The following OPCML variants were observed in gnomAD, a reference collection of about 807,000 sequenced individuals.
OPCML encodes the protein opioid binding protein/cell adhesion molecule like, also known as opioid-binding protein/cell adhesion molecule.
A neutral mutation model predicts 37.8 loss-of-function variants in OPCML; 13 were observed. The ratio of observed to expected loss-of-function variants is 0.34; its 90% CI spans 0.22 to 0.55. The LOEUF (loss-of-function observed/expected upper bound fraction) is 0.55. OPCML is among the 20% of genes least tolerant of loss of function. OPCML has a pLI of 0.91. For missense variants in OPCML, 341 were observed against 435.6 expected, an observed-to-expected ratio of 0.78 and a Z score of 1.93; for synonymous variants, 176 against 168.8, an observed-to-expected ratio of 1.04 and a Z score of -0.33.
intron 3 of OPCML, among the ~76,000 whole-genome samples, chr11:132,541,840 C>T (rs942939995): frequency 6.6e-6 from 1 of 152,192 alleles, no homozygotes; most frequent in Admixed American, 6.5e-5. Context: ...CATCTCTCCA[C>T]TCTTGCTGGC....
rs775107987 is a variant in OPCML at position 132,551,394 on chromosome 11, TG to T, written c.380-22209del. ...CTTGGGGAGGGGCTTAGTTTATAGT[TG>T]AAAACAAAGATGATAACAGGCCTTT... On this transcript the variant is annotated intron_variant, in intron 3 of 7. Transcript: ENST00000524381. Among the ~76,000 whole-genome samples the T allele has an allele frequency of 4.5e-4, 69 of 152,254 alleles. 1 individual carries two copies. The highest frequency in any genetic ancestry group is 9.3e-4 in the Non-Finnish European group (63 of 68,012).
chr11:132,936,812 G>A (rs1031689353), intron 2 of OPCML, among the ~76,000 whole-genome samples: 6 of 152,098 alleles, frequency 3.9e-5, no homozygotes, highest in Non-Finnish European at 7.4e-5. Context: ...GATGAAAAGA[G>A]TGCACCCCTC....
At chr11:133,309,909 G>T (rs1263885018) in intron 1 of OPCML, among the ~76,000 whole-genome samples, 1 of 152,190 alleles carries the variant, frequency 6.6e-6, no homozygotes, top group South Asian at 2.1e-4. Context: ...AGGGCAATGA[G>T]GACTTCATTC....
At chr11:132,668,393 C>T (rs1942313239) in intron 2 of OPCML, among the ~76,000 whole-genome samples, 1 of 152,196 alleles carries the variant, frequency 6.6e-6, no homozygotes, top group Non-Finnish European at 1.5e-5. Flanking sequence ...CACTTACTAA[C>T]ACAGAGCACT....
intron 2 of OPCML, among the ~76,000 whole-genome samples, chr11:132,843,547 C>T (rs1008177852): frequency 6.6e-6 from 1 of 151,228 alleles, no homozygotes; most frequent in Non-Finnish European, 1.5e-5. Context: ...ATTTTAGACG[C>T]ATGTGTGTAT....
intron 3 of OPCML, 34 bp downstream of exon 3, chr11:132,657,053 G>A (rs550214129): frequency 3.8e-5 from 61 of 1,605,038 alleles, no homozygotes; most frequent in South Asian, 3.1e-4. Context: ...CATCACTGAC[G>A]GGAATGGCAA....
chr11:132,939,194 T>A (rs931272196), intron 2 of OPCML, among the ~76,000 whole-genome samples: 2 of 152,124 alleles, frequency 1.3e-5, no homozygotes, highest in Non-Finnish European at 2.9e-5. Flanking sequence ...TTAATTTACA[T>A]AAGAAGGAGC....
intron 2 of OPCML, among the ~76,000 whole-genome samples, chr11:132,921,656 C>T (rs1355137827): frequency 6.6e-6 from 1 of 152,226 alleles, no homozygotes; most frequent in Admixed American, 6.5e-5. Context: ...CCACAGGGAA[C>T]CCTGCTCAGA....
intron 4 of OPCML, among the ~76,000 whole-genome samples, chr11:132,470,653 C>T (rs1006889425): frequency 1.3e-5 from 2 of 151,978 alleles, no homozygotes; most frequent in African/African-American, 4.8e-5. Context: ...TGTTGAGTAC[C>T]CCTTAAGTGT....
In OPCML at chr11:132,559,693, C is replaced by T. The variant is rs548548203; in HGVS notation, c.380-30507G>A. Among the ~76,000 whole-genome samples the T allele has an allele frequency of 9.2e-5, 14 of 152,182 alleles. No individual in the cohort carries two copies. In the South Asian group the frequency reaches 2.1e-3, roughly 23 times the overall value. ...GGAAACTTCACCCCATGTGTCAACTCGTAAAGAGAGAAGAGATTATTTCAA... is the reference window on the plus strand; with the variant it reads ...GGAAACTTCACCCCATGTGTCAACTTGTAAAGAGAGAAGAGATTATTTCAA... On this transcript the variant is annotated intron_variant, in intron 3 of 7. Coordinates refer to ENST00000524381, the MANE Select transcript of OPCML (RefSeq NM_001012393.5).
rs186136605 is a variant in OPCML, at chr11:132,818,400, T to C, written c.146+124526A>G. Among the ~76,000 whole-genome samples the C allele has an allele frequency of 3.3e-5, 5 of 152,022 alleles. No homozygotes were observed. The East Asian group carries it at 9.7e-4, about 29-fold the overall frequency. ...ACGTGGGTGGACTTCCTGTAATCAG[T>C]TGAACCCCTGAATAAAACAAAAGAC... On this transcript the variant is annotated intron_variant, in intron 2 of 7. Coordinates refer to ENST00000524381, the MANE Select transcript of OPCML (RefSeq NM_001012393.5).
intron 1 of OPCML, among the ~76,000 whole-genome samples, chr11:133,440,969 G>T (rs1353949273): frequency 6.6e-6 from 1 of 151,026 alleles, no homozygotes; most frequent in Non-Finnish European, 1.5e-5. Context: ...AAAGAAACAG[G>T]AAATTGTCAT....
intron 1 of OPCML, among the ~76,000 whole-genome samples, chr11:133,242,477 A>G (rs1221770399): frequency 6.6e-6 from 1 of 152,092 alleles, no homozygotes; most frequent in African/African-American, 2.4e-5. Context: ...ATCCATGGGG[A>G]CAGGTTCTCC....
At chr11:132,818,361 G>A (rs1022688525) in intron 2 of OPCML, among the ~76,000 whole-genome samples, 10 of 151,688 alleles carry the variant, frequency 6.6e-5, no homozygotes, top group African/African-American at 2.2e-4. Flanking sequence ...GAGCAAAGTC[G>A]ACTGCCCTCC....
chr11:132,618,087 T>C (rs1041142071), intron 3 of OPCML, among the ~76,000 whole-genome samples: 2 of 152,232 alleles, frequency 1.3e-5, no homozygotes, highest in African/African-American at 4.8e-5. Flanking sequence ...CTAGGTTATA[T>C]GCAGTTATTC....
rs1331690805 is a variant in OPCML at position 132,725,595 on chromosome 11, T to C, written c.147-68276A>G. On this transcript the variant is annotated intron_variant, in intron 2 of 7. Coordinates refer to ENST00000524381, the MANE Select transcript of OPCML (RefSeq NM_001012393.5). ...CTCCTCAGAAAATGGGATTTTCTTT[T>C]CTATTGCATTGTTAGGCTGCAAATT... 3.3e-5 allele frequency among the ~76,000 whole-genome samples: 5 copies of C among 152,294 alleles called. No individual in the cohort carries two copies. The East Asian group carries it at 9.7e-4, about 29-fold the overall frequency.
At chr11:133,298,387 A>T (rs1236241048) in intron 1 of OPCML, 3 of 152,204 alleles carry the variant, frequency 2.0e-5, no homozygotes, top group Non-Finnish European at 2.9e-5. Context: ...ATTTGGAGCA[A>T]ATTCTTCATT....
intron 2 of OPCML, among the ~76,000 whole-genome samples, chr11:132,703,002 CT>C (rs1296452658): frequency 1.3e-5 from 2 of 152,104 alleles, no homozygotes; most frequent in East Asian, 1.9e-4. Context: ...TTCTAGATAA[CT>C]GAGCTCTTTA....
chr11:132,746,376 C>T (rs1457121258), intron 2 of OPCML, among the ~76,000 whole-genome samples: 1 of 152,138 alleles, frequency 6.6e-6, no homozygotes, highest in African/African-American at 2.4e-5. Flanking sequence ...TGTCACAGGA[C>T]TTACACAAGC....
Sources: allele counts gnomAD v4.1 joint callset (sites outside exome capture counted in the v4.1 genomes callset), GRCh38; gene constraint gnomAD v4.1.1; transcripts MANE v1.5; gene names NCBI Gene and HGNC (gene_info 2026-07-23, HGNC 2026-07-21).